Variants in WASF3 observed in about 807,000 individuals in gnomAD.
WASF3 encodes actin-binding protein WASF3.
In WASF3, 11 loss-of-function variants were observed where a neutral mutation model predicts 46.6. That is an observed-to-expected ratio of 0.24 (90% CI 0.15 to 0.39). WASF3 has a LOEUF of 0.39. WASF3 is among the 10% of genes least tolerant of loss of function. WASF3 has a pLI of 1.00. For missense variants in WASF3, 576 were observed against 669.8 expected, an observed-to-expected ratio of 0.86 and a Z score of 1.55; for synonymous variants, 242 against 259.7, an observed-to-expected ratio of 0.93 and a Z score of 0.65.
chr13:26,588,804 T>A (rs1880206318), intron 1 of WASF3, among the ~76,000 whole-genome samples: 1 of 152,022 alleles, frequency 6.6e-6, no homozygotes, highest in Non-Finnish European at 1.5e-5. Flanking sequence ...CTTCTATAAT[T>A]TATTTATTTT....
chr13:26,645,819 T>C (rs1423807548), intron 3 of WASF3, among the ~76,000 whole-genome samples: 1 of 152,202 alleles, frequency 6.6e-6, no homozygotes, highest in Non-Finnish European at 1.5e-5. Flanking sequence ...AGAATAGTTA[T>C]GAAAAATTTA....
chr13:26,609,798 AT>A (rs551048768), intron 1 of WASF3, among the ~76,000 whole-genome samples: 137 of 152,114 alleles, frequency 9.0e-4, no homozygotes, highest in Non-Finnish European at 1.8e-3. Flanking sequence ...TGATTTGTTC[AT>A]TTATTCAAAT....
At chr13:26,660,862 A>G (rs1882608903) in intron 3 of WASF3, among the ~76,000 whole-genome samples, 1 of 152,196 alleles carries the variant, frequency 6.6e-6, no homozygotes, top group Non-Finnish European at 1.5e-5. Context: ...TACAAGAAGC[A>G]TAGCACGAGC....
intron 1 of WASF3, chr13:26,577,191 G>T (rs963661288): frequency 4.0e-6 from 3 of 746,566 alleles, no homozygotes; most frequent in Non-Finnish European, 7.4e-6. Context: ...CCTTGGCATG[G>T]ATCTTACCTG....
At chr13:26,640,718 T>G (rs1448195409) in intron 2 of WASF3, 2 of 152,132 alleles carry the variant, frequency 1.3e-5, no homozygotes, top group East Asian at 3.9e-4. Context: ...ATCATCTCCT[T>G]TTTGAGGAGA....
At chr13:26,566,316 T>A (rs1459048970) in intron 1 of WASF3, among the ~76,000 whole-genome samples, 1 of 152,220 alleles carries the variant, frequency 6.6e-6, no homozygotes, top group Non-Finnish European at 1.5e-5. Flanking sequence ...GAGACTTTTC[T>A]CTCATCTGTC....
At chr13:26,544,264 T>A in the WASF3 span, among the ~76,000 whole-genome samples, 2 of 152,160 alleles carry the variant, frequency 1.3e-5, no homozygotes, top group East Asian at 3.8e-4. Flanking sequence ...TGGGAGTGAA[T>A]CATCATTGTT....
chr13:26,663,144 A>G (rs1041366863), intron 3 of WASF3, among the ~76,000 whole-genome samples: 1 of 152,164 alleles, frequency 6.6e-6, no homozygotes, highest in African/African-American at 2.4e-5. Flanking sequence ...GAGCTGTCAC[A>G]ATGACACCAT....
intron 1 of WASF3, among the ~76,000 whole-genome samples, chr13:26,608,774 A>G (rs999798087): frequency 6.6e-6 from 1 of 152,200 alleles, no homozygotes; most frequent in Non-Finnish European, 1.5e-5. Context: ...TATGCTAGAC[A>G]TATGCTTTTT....
intron 9 of WASF3, among the ~76,000 whole-genome samples, chr13:26,685,331 C>G (rs1321321363): frequency 6.6e-6 from 1 of 152,144 alleles, no homozygotes; most frequent in Non-Finnish European, 1.5e-5. Context: ...TGCAGCGTCC[C>G]AGAGAGTAGC....
intron 2 of WASF3, among the ~76,000 whole-genome samples, chr13:26,619,204 T>C (rs1168468284): frequency 2.0e-5 from 3 of 152,216 alleles, no homozygotes; most frequent in Non-Finnish European, 2.9e-5. Context: ...CACAACCTGC[T>C]TATAAGTGTC....
intron 1 of WASF3, among the ~76,000 whole-genome samples, chr13:26,575,600 G>A (rs1255796221): frequency 6.6e-6 from 1 of 152,160 alleles, no homozygotes; most frequent in Non-Finnish European, 1.5e-5. Context: ...AGAACCCTCA[G>A]GAAAGATACA....
the WASF3 span, among the ~76,000 whole-genome samples, chr13:26,550,270 G>A: frequency 6.6e-6 from 1 of 152,240 alleles, no homozygotes; most frequent in Admixed American, 6.5e-5. Flanking sequence ...CTTATTTACT[G>A]TTTGTTCAAA....
chr13:26,556,477 A>T (rs1879100421), upstream of WASF3, among the ~76,000 whole-genome samples: 1 of 152,196 alleles, frequency 6.6e-6, no homozygotes, highest in Non-Finnish European at 1.5e-5. Flanking sequence ...ATTCACCAAA[A>T]TCCTGTTTAC....
chr13:26,594,538 C>T (rs1008813319), intron 1 of WASF3, among the ~76,000 whole-genome samples: 22 of 152,182 alleles, frequency 1.4e-4, no homozygotes, highest in African/African-American at 4.1e-4. Context: ...AGCTTACTAC[C>T]GTCTCCTTTC....
intron 2 of WASF3, among the ~76,000 whole-genome samples, chr13:26,636,743 A>G (rs1881835329): frequency 6.6e-6 from 1 of 152,200 alleles, no homozygotes. Context: ...GACCTGCTGA[A>G]GGGTCCTTTC....
At chr13:26,655,782 C>T (rs1882447860) in intron 3 of WASF3, among the ~76,000 whole-genome samples, 1 of 152,132 alleles carries the variant, frequency 6.6e-6, no homozygotes, top group Non-Finnish European at 1.5e-5. Flanking sequence ...AATCCATTGA[C>T]TTATTTTGAT....
At chr13:26,669,257 GTTGGAGTGCAGTGGGGTGATC>G (rs1882861195) in intron 5 of WASF3, among the ~76,000 whole-genome samples, 1 of 127,118 alleles carries the variant, frequency 7.9e-6, no homozygotes, top group Non-Finnish European at 1.6e-5. Context: ...TGTCGCCCAG[GTTGGAGTGCAGTGGGGTGATC>G]TTGGCTCACT....
chr13:26,600,915 C>A (rs572763480), intron 1 of WASF3, among the ~76,000 whole-genome samples: 1 of 152,220 alleles, frequency 6.6e-6, no homozygotes, highest in African/African-American at 2.4e-5. Context: ...AGGGTGATTT[C>A]TTTGTGGCAG....
Sources: gnomAD v4.1 joint callset for allele counts (sites outside exome capture counted in the v4.1 genomes callset) on GRCh38, gnomAD v4.1.1 for gene constraint, MANE v1.5 for transcripts, NCBI Gene and HGNC (gene_info 2026-07-23, HGNC 2026-07-21) for gene names.